The following REST variants were observed in gnomAD, a reference collection of about 807,000 sequenced individuals.
REST encodes RE1 silencing transcription factor.
In REST, 1 loss-of-function variant was observed where a neutral mutation model predicts 30.4. That is an observed-to-expected ratio of 0.03 (90% confidence interval 0.01 to 0.16). The LOEUF is 0.16. REST is among the 10% of genes least tolerant of loss of function. The probability of loss-of-function intolerance (pLI) is 1.00; values close to 1 mark genes in which losing one functional copy is unlikely to be tolerated. For missense variants in REST, 1,259 were observed against 1,329.5 expected, an observed-to-expected ratio of 0.95 and a Z score of 0.82; for synonymous variants, 504 against 451.1, an observed-to-expected ratio of 1.12 and a Z score of -1.49.
At chr4:56,927,447 A>T (rs1165505285) in intron 3 of REST, among the ~76,000 whole-genome samples, 1 of 152,280 alleles carries the variant, frequency 6.6e-6, no homozygotes, top group Non-Finnish European at 1.5e-5. Flanking sequence ...TTTTATCACC[A>T]GGCATTTTCT....
Position 56,932,339 on chromosome 4 carries a change from AAG to A in REST, c.*192_*193del, listed in dbSNP as rs1208367351. 3 of 619,246 alleles carry A rather than the reference AAG, an allele frequency of 4.8e-6. No homozygotes were observed. Among genetic ancestry groups the A allele is most frequent in the East Asian group, 2.9e-5 (1 of 34,432 alleles). The allele number at this position is 619,246 out of a possible 1,614,324, so 38.4% of individuals were successfully genotyped here. ...TTGTTGTGTAAATTTTAGTAAATCTAAGAGAGTGTACTAAACCAGCAGGTATC... is the reference window on the plus strand; with the variant it reads ...TTGTTGTGTAAATTTTAGTAAATCTAAGAGTGTACTAAACCAGCAGGTATC... On this transcript the variant is annotated 3_prime_UTR_variant, in exon 4 of 4. Transcript: ENST00000309042.
At position 56,930,675 on chromosome 4, in the gene REST, C is replaced by T; in HGVS notation, c.1817C>T (p.Ala606Val). 6.2e-7 allele frequency: 1 copy of T among 1,613,334 alleles called. No individual in the cohort carries two copies. Among genetic ancestry groups the T allele is most frequent in the Non-Finnish European group, 8.5e-7 (1 of 1,179,806 alleles). The change falls in exon 4 of 4, where the codon GCT becomes GTT. Residue 606 changes from alanine (A) to valine (V), a missense_variant. By Grantham distance (64) the Ala-to-Val change is moderately conservative (BLOSUM62 0). Transcript: ENST00000309042. ...AAGGAACCTGTTGAGAAGGGATCTG[C>T]TCAGATGGACCCTCCTCAGATGGGG... ...PQKEPVEKGSAQMDPPQMGPA... is the reference protein window; with the variant it reads ...PQKEPVEKGSVQMDPPQMGPA...
At position 56,931,973 on chromosome 4, in the gene REST, C is replaced by G; in HGVS notation, c.3115C>G (p.Pro1039Ala). ...TGGATTGCATGGGGCTCGGCCAGTT[C>G]CACAAGAATCTAGCAGAAAAAATGC... ...DSGLHGARPV[P>A]QESSRKNAKE... is the part of the protein sequence containing the mutation. Residue 1039 changes from proline to alanine, a missense_variant, in exon 4 of 4, where the codon CCA (proline) becomes GCA (alanine). By Grantham distance (27) the Pro-to-Ala change is conservative. Coordinates refer to ENST00000309042, the MANE Select transcript of REST (RefSeq NM_005612.5). 6.2e-7 allele frequency: 1 copy of G among 1,614,160 alleles called. No homozygotes were observed. Among genetic ancestry groups the G allele is most frequent in the Non-Finnish European group, 8.5e-7 (1 of 1,180,040 alleles).
intron 3 of REST, among the ~76,000 whole-genome samples, chr4:56,924,515 G>T (rs1342464652): frequency 1.3e-5 from 2 of 152,136 alleles, no homozygotes; most frequent in Non-Finnish European, 2.9e-5. Context: ...TCAGGGTGGA[G>T]TGCAGTGGGT....
intron 3 of REST, among the ~76,000 whole-genome samples, chr4:56,923,966 C>T (rs1193594036): frequency 6.6e-6 from 1 of 152,080 alleles, no homozygotes; most frequent in Non-Finnish European, 1.5e-5. Flanking sequence ...CATGATCTGC[C>T]CGCCTCAGCC....
chr4:56,919,597 T>C (rs184398807), intron 2 of REST, among the ~76,000 whole-genome samples, 190 bp from the exon 3 acceptor site: 69 of 152,346 alleles, frequency 4.5e-4, no homozygotes, highest in Non-Finnish European at 8.1e-4. Context: ...GCCAAAATAA[T>C]GTAGTCATAG....
At position 56,914,202 on chromosome 4, in the gene REST, T is replaced by C. The variant is rs550351661; in HGVS notation, c.898+2666T>C. Among the ~76,000 whole-genome samples the C allele has an allele frequency of 3.7e-3, 561 of 152,216 alleles. 4 individuals carry two copies. The highest frequency in any genetic ancestry group is 6.8e-3 in the Middle Eastern group (2 of 292). ...TTAGCCTCCCAAAGTGCTGGGATTATGGGTGTGAGCCACCGTATCCAGCGA... is the reference window on the plus strand; with the variant it reads ...TTAGCCTCCCAAAGTGCTGGGATTACGGGTGTGAGCCACCGTATCCAGCGA... On this transcript the variant is annotated intron_variant, in intron 2 of 3. Coordinates refer to ENST00000309042, the MANE Select transcript of REST (RefSeq NM_005612.5).
At chr4:56,909,150 C>T (rs1000722978) in intron 1 of REST, 5 of 152,534 alleles carry the variant, frequency 3.3e-5, no homozygotes, top group Non-Finnish European at 5.9e-5. Context: ...GATCCCCTCC[C>T]CCGTTTTAGT....
At chr4:56,926,324 C>T (rs111697304) in intron 3 of REST, among the ~76,000 whole-genome samples, 144 of 152,238 alleles carry the variant, frequency 9.5e-4, no homozygotes, top group African/African-American at 3.1e-3. Context: ...TCGCCTGCCT[C>T]GGCTTCCCAA....
intron 2 of REST, among the ~76,000 whole-genome samples, chr4:56,912,475 TC>T (rs1719978445): frequency 6.6e-6 from 1 of 150,920 alleles, no homozygotes; most frequent in Admixed American, 6.6e-5. Flanking sequence ...TGGCTCAGCC[TC>T]CCGAGTAGCT....
chr4:56,920,977 T>C (rs1261234784), intron 3 of REST, among the ~76,000 whole-genome samples: 2 of 152,112 alleles, frequency 1.3e-5, no homozygotes, highest in Non-Finnish European at 2.9e-5. Context: ...GCGATTCTCC[T>C]GCCTCAGCCT....
Position 56,914,650 on chromosome 4 carries a change from C to T in REST, c.898+3114C>T, listed in dbSNP as rs548716146. 7.2e-5 allele frequency among the ~76,000 whole-genome samples: 11 copies of T among 152,292 alleles called. No individual in the cohort carries two copies. The South Asian group carries it at 2.3e-3, about 32-fold the overall frequency. ...TCTTAAATCCCAGCCATCATATATA[C>T]TAAACTCATAAATAAGTACACCATA... On this transcript the variant is annotated intron_variant, in intron 2 of 3. Transcript: ENST00000309042.
At chr4:56,916,819 C>T (rs966522967) in intron 2 of REST, among the ~76,000 whole-genome samples, 11 of 152,180 alleles carry the variant, frequency 7.2e-5, no homozygotes, top group Non-Finnish European at 1.5e-4. Context: ...AATAATGCTG[C>T]TATGAATATT....
Position 56,930,333 on chromosome 4 carries a change from C to T in REST, c.1475C>T (p.Thr492Ile). 6.2e-7 allele frequency: 1 copy of T among 1,613,974 alleles called. No individual in the cohort carries two copies. Among genetic ancestry groups the T allele is most frequent in the Non-Finnish European group, 8.5e-7 (1 of 1,180,002 alleles). The change falls in exon 4 of 4, where the codon ACT becomes ATT. Residue 492 changes from threonine to isoleucine, a missense_variant. Around this residue, in one of 5 missense-constraint regions of REST, gnomAD observed 856 missense variants for 772.8 expected, o/e 1.11. Coordinates refer to ENST00000309042, the MANE Select transcript of REST (RefSeq NM_005612.5). ...TCAGTGATCCAGGTGACTACCAGAA[C>T]TCGAAAATCAGTAACAGAGGTGAAA... The part of the protein sequence containing the change: ...NVSVIQVTTR[T>I]RKSVTEVKEM...
intron 2 of REST, among the ~76,000 whole-genome samples, chr4:56,912,380 G>C (rs779488882): frequency 7.5e-6 from 1 of 133,170 alleles, no homozygotes; most frequent in Non-Finnish European, 1.5e-5. Context: ...TGGCTTTGTC[G>C]CCCAGGCTGG....
At chr4:56,909,830 T>C (rs3755901) in intron 1 of REST, among the ~76,000 whole-genome samples, 2 of 152,178 alleles carry the variant, frequency 1.3e-5, no homozygotes, top group Non-Finnish European at 2.9e-5. Flanking sequence ...TCAAGCACAA[T>C]GCAAGAAAGT....
At position 56,930,791 on chromosome 4, in the gene REST, C is replaced by G; in HGVS notation, c.1933C>G (p.Arg645Gly). ...EHAQMEGAQI[R>G]PAPDEPVQME... ...TGCTCAGATGGAGGGTGCCCAGATA[C>G]GGCCTGCTCCTGACGAGCCTGTTCA... Residue 645 changes from arginine (R) to glycine (G), a missense_variant, in exon 4 of 4, where the codon CGG becomes GGG. By Grantham distance (125) the Arg-to-Gly change is moderately radical. Around this residue, in one of 5 missense-constraint regions of REST, gnomAD observed 856 missense variants for 772.8 expected, o/e 1.11. Transcript: ENST00000309042. 1 of 1,604,014 alleles carries G rather than the reference C, an allele frequency of 6.2e-7. No individual in the cohort carries two copies. The highest frequency in any genetic ancestry group is 8.5e-7 in the Non-Finnish European group (1 of 1,175,630).
rs1578498219 is a variant in REST at position 56,919,842 on chromosome 4, T to C, written c.954T>C (p.His318=). The C allele has an allele frequency of 1.9e-6, 3 of 1,607,668 alleles. No homozygotes were observed. The highest frequency in any genetic ancestry group is 2.6e-6 in the Non-Finnish European group (3 of 1,175,454). The stretch of plus-strand genomic sequence containing the variant: ...CTTACTCAAGTTCTCAGAAGACTCA[T>C]CTAACTAGACATATGCGTACTCATT... The part of the protein sequence containing the change: ...LCPYSSSQKT[H]LTRHMRTHSG... Residue 318 remains histidine, a synonymous_variant, in exon 3 of 4, where the codon CAT becomes CAC. Transcript: ENST00000309042.
Position 56,934,042 on chromosome 4 carries a change from T to G in REST, c.*1890T>G, listed in dbSNP as rs905504801. 1 of 152,212 alleles carries G rather than the reference T, an allele frequency of 6.6e-6. No individual in the cohort carries two copies. The highest frequency in any genetic ancestry group is 2.4e-5 in the African/African-American group (1 of 41,456). 9.4% of individuals were successfully genotyped at this position (152,212 alleles called of 1,614,324 possible). On this transcript the variant is annotated 3_prime_UTR_variant, in exon 4 of 4. Coordinates refer to ENST00000309042, the MANE Select transcript of REST (RefSeq NM_005612.5). ...GCCAAAGATTTAAAGAAGCGGAAGA[T>G]TCTTCTCTTAAGACATGAGGAGTAA...
Sources: gnomAD v4.1 joint callset for allele counts (sites outside exome capture counted in the v4.1 genomes callset) on GRCh38, gnomAD v4.1.1 for gene constraint, gnomAD v4.1.1 regional missense constraint, MANE v1.5 for transcripts, NCBI Gene and HGNC (gene_info 2026-07-23, HGNC 2026-07-21) for gene names.